The following SNX2 variants were observed in gnomAD, a reference collection of about 807,000 sequenced individuals.
SNX2 encodes the protein sorting nexin-2.
Under a neutral mutation model 69.9 loss-of-function variants are expected in SNX2, and 25 were observed. The observed-to-expected ratio is 0.36, with a 90% CI of 0.26 to 0.50. The LOEUF is 0.50. SNX2 is among the 20% of genes least tolerant of loss of function. The probability of loss-of-function intolerance (pLI) is 0.97; values close to 1 mark genes in which losing one functional copy is unlikely to be tolerated. For missense variants in SNX2, 551 were observed against 613.3 expected, an observed-to-expected ratio of 0.90 and a Z score of 1.07; for synonymous variants, 229 against 200.4, an observed-to-expected ratio of 1.14 and a Z score of -1.20.
At chr5:122,775,399 G>GGA in intron 1 of SNX2, 188 bp downstream of exon 1, 1 of 1,287,106 alleles carries the variant, frequency 7.8e-7, no homozygotes. Context: ...GGCCTCCTCA[G>GGA]GAGAGCAGCC....
At position 122,829,681 on chromosome 5, in the gene SNX2, ATGT is replaced by A; in HGVS notation, c.*38_*40del. The A allele has an allele frequency of 6.3e-7, 1 of 1,584,998 alleles. No individual in the cohort carries two copies. The highest frequency in any genetic ancestry group is 8.7e-7 in the Non-Finnish European group (1 of 1,153,766). ...ATTGTTGCCGTTAAGAAGACCTTGG[ATGT>A]TGTTCCAGTTATGCTGGATTCCACA... On this transcript the variant is annotated 3_prime_UTR_variant, in exon 15 of 15. Coordinates refer to ENST00000379516, the MANE Select transcript of SNX2 (RefSeq NM_003100.4).
chr5:122,831,408 G>A lies in SNX2; in HGVS notation c.*1760G>A, dbSNP rs370903858. Among the ~76,000 whole-genome samples, 19 of 152,082 alleles carry A rather than the reference G, an allele frequency of 1.2e-4. No homozygotes were observed. Among genetic ancestry groups the A allele is most frequent in the Admixed American group, 7.9e-4 (12 of 15,262 alleles). ...GGATCTCTTGAGCCCAGGAGTTTGA[G>A]GCTATAGTACACTATGATCGTGCCT... On this transcript the variant is annotated 3_prime_UTR_variant, in exon 15 of 15. Coordinates refer to ENST00000379516, the MANE Select transcript of SNX2 (RefSeq NM_003100.4).
intron 11 of SNX2, among the ~76,000 whole-genome samples, chr5:122,822,553 T>C (rs1754047827): frequency 6.6e-6 from 1 of 152,218 alleles, no homozygotes; most frequent in Non-Finnish European, 1.5e-5. Flanking sequence ...GGGATTAATA[T>C]AGAGCCATTG....
intron 11 of SNX2, among the ~76,000 whole-genome samples, chr5:122,824,970 T>C (rs1754121285): frequency 6.6e-6 from 1 of 152,164 alleles, no homozygotes; most frequent in African/African-American, 2.4e-5. Flanking sequence ...CATTACAGCT[T>C]GGAGAAGTTC....
At chr5:122,812,958 GTAAA>G (rs1753813975) in intron 7 of SNX2, among the ~76,000 whole-genome samples, 4 of 152,288 alleles carry the variant, frequency 2.6e-5, no homozygotes, top group South Asian at 4.1e-4. Flanking sequence ...TTTCTGGTAA[GTAAA>G]TAAGAATTTG....
Position 122,833,171 on chromosome 5 carries a change from C to A in SNX2, c.*3523C>A, listed in dbSNP as rs1007222458. 6.6e-6 allele frequency: 1 copy of A among 152,112 alleles called. No individual in the cohort carries two copies. Among genetic ancestry groups the A allele is most frequent in the Non-Finnish European group, 1.5e-5 (1 of 68,018 alleles). 9.4% of individuals were successfully genotyped at this position (152,112 alleles called of 1,614,324 possible). A position where few individuals can be genotyped will look rare whatever the true frequency, so the allele number is the denominator to read the frequency against. ...GAATCAAATAATTATCATTCCTAAC[C>A]CTCACAGTGAAGGATTTGGTTTCAT... On this transcript the variant is annotated 3_prime_UTR_variant, in exon 15 of 15. Coordinates refer to ENST00000379516, the MANE Select transcript of SNX2 (RefSeq NM_003100.4).
chr5:122,825,604 ATATCT>A (rs1381377237), intron 11 of SNX2, among the ~76,000 whole-genome samples: 3 of 151,922 alleles, frequency 2.0e-5, no homozygotes, highest in Non-Finnish European at 4.4e-5. Flanking sequence ...CTTCTACCAC[ATATCT>A]TATGAGTTTT....
Position 122,799,776 on chromosome 5 carries a change from C to A in SNX2, c.311C>A (p.Thr104Asn), listed in dbSNP as rs569232661. 6.2e-7 allele frequency: 1 copy of A among 1,613,684 alleles called. No homozygotes were observed. The highest frequency in any genetic ancestry group is 2.2e-5 in the East Asian group (1 of 44,866). The change falls in exon 3 of 15, where the codon ACT becomes AAT. Residue 104 changes from threonine (T) to asparagine (N), a missense_variant. By Grantham distance (65) the Thr-to-Asn change is moderately conservative. This residue lies in a region of SNX2 where 191 missense variants were observed against 162.9 expected (regional missense o/e 1.17). Coordinates refer to ENST00000379516, the MANE Select transcript of SNX2 (RefSeq NM_003100.4). ...CCTTCTCCTGCAGTCACACCTGTCA[C>A]TCCTACTACACTCATTGCTCCTAGA... ...SEPSPAVTPVTPTTLIAPRIE... is the reference protein window; with the variant it reads ...SEPSPAVTPVNPTTLIAPRIE...
At position 122,802,108 on chromosome 5, in the gene SNX2, A is replaced by C. The variant is rs1266050566; in HGVS notation, c.485A>C (p.Tyr162Ser). ...VGDGMNAYMAYRVTTKTSLSM... is the reference protein window; with the variant it reads ...VGDGMNAYMASRVTTKTSLSM... ...GATGGCATGAATGCCTATATGGCAT[A>C]TAGAGTAACAACAAAGGTGAGCTTT... The change falls in exon 5 of 15, where the codon TAT (tyrosine) becomes TCT (serine). Residue 162 changes from tyrosine to serine, a missense_variant. This residue lies in a region of SNX2 where 360 missense variants were observed against 450.4 expected (regional missense o/e 0.80). Coordinates refer to ENST00000379516, the MANE Select transcript of SNX2 (RefSeq NM_003100.4). The C allele has an allele frequency of 6.2e-7, 1 of 1,613,840 alleles. No individual in the cohort carries two copies. The highest frequency in any genetic ancestry group is 8.5e-7 in the Non-Finnish European group (1 of 1,179,812).
rs1440814733 is a variant in SNX2, at chr5:122,827,381, G to A, written c.1359G>A (p.Trp453Ter). 6.2e-7 allele frequency: 1 copy of A among 1,612,208 alleles called. No homozygotes were observed. The highest frequency in any genetic ancestry group is 8.5e-7 in the Non-Finnish European group (1 of 1,178,678). ...IQQAKNEIRE[W>*]EAKVQQGERD... ...AAATATTTCTTTGTTTTTATTAGTGGGAGGCGAAAGTGCAACAAGGGGAAA... is the reference window on the plus strand; with the variant it reads ...AAATATTTCTTTGTTTTTATTAGTGAGAGGCGAAAGTGCAACAAGGGGAAA... The change falls in exon 13 of 15, where the codon TGG becomes TGA. Residue 453 changes from tryptophan (W) to a stop codon, truncating the protein, a stop_gained and splice_region_variant. Transcript: ENST00000379516. LOFTEE classifies it high-confidence loss of function.
intron 14 of SNX2, 168 bp downstream of exon 14, chr5:122,827,814 C>G: frequency 1.8e-6 from 1 of 552,002 alleles, no homozygotes; most frequent in South Asian, 2.5e-5. Context: ...CGGAAACTAT[C>G]TCACGTGTTT....
At chr5:122,809,827 T>G (rs1000928111) in intron 7 of SNX2, among the ~76,000 whole-genome samples, 1 of 152,208 alleles carries the variant, frequency 6.6e-6, no homozygotes, top group Non-Finnish European at 1.5e-5. Context: ...GAATATGTAG[T>G]TTAAAATCTT....
At chr5:122,816,411 T>A (rs1359004929) in intron 8 of SNX2, among the ~76,000 whole-genome samples, 2 of 152,204 alleles carry the variant, frequency 1.3e-5, no homozygotes, top group African/African-American at 2.4e-5. Flanking sequence ...TCTTTTTATT[T>A]GAAATGTTTG....
In SNX2 at chr5:122,826,120, G is replaced by A. The variant is rs370738644; in HGVS notation, c.1283G>A (p.Arg428His). The change falls in exon 12 of 15, where the codon CGT (arginine) becomes CAT (histidine). Residue 428 changes from arginine (R) to histidine (H), a missense_variant. Transcript: ENST00000379516. ...GCTCAAATTACTTTGCTCAAAAAAC[G>A]TGAAGCTGAAGCAAAAATGATGGTT... Reference protein sequence around the residue: ...EDAQITLLKKREAEAKMMVAN... With the variant: ...EDAQITLLKKHEAEAKMMVAN... The A allele has an allele frequency of 9.5e-5, 154 of 1,613,090 alleles. No individual in the cohort carries two copies. Among genetic ancestry groups the A allele is most frequent in the Non-Finnish European group, 1.2e-4 (141 of 1,179,418 alleles).
chr5:122,831,009 C>CAAAAAAAAA lies in SNX2; in HGVS notation c.*1377_*1385dup, dbSNP rs58159922. ...AGGCAACAAAAGCAAAACTCCATCT[C>CAAAAAAAAA]AAAAAAAAAAAAAAAAAAAAAAAAG... is the stretch of plus-strand genomic sequence containing the variant. On this transcript the variant is annotated 3_prime_UTR_variant, in exon 15 of 15. Transcript: ENST00000379516. Among the ~76,000 whole-genome samples the CAAAAAAAAA allele has an allele frequency of 1.1e-4, 7 of 63,006 alleles. No individual in the cohort carries two copies. The highest frequency in any genetic ancestry group is 1.5e-4 in the Non-Finnish European group (5 of 33,916). The allele number at this position is 63,006 out of a possible 152,430, so 41.3% of individuals were successfully genotyped here. A position where few individuals can be genotyped will look rare whatever the true frequency, so the allele number is the denominator to read the frequency against.
chr5:122,802,609 T>C (rs949735560), intron 5 of SNX2, among the ~76,000 whole-genome samples: 1 of 152,054 alleles, frequency 6.6e-6, no homozygotes, highest in Admixed American at 6.6e-5. Flanking sequence ...ACAAGTAGGT[T>C]TTTGTTTTAG....
At position 122,795,382 on chromosome 5, in the gene SNX2, A is replaced by G; in HGVS notation, c.225A>G (p.Ala75=). The G allele has an allele frequency of 2.5e-6, 4 of 1,588,666 alleles. No individual in the cohort carries two copies. The highest frequency in any genetic ancestry group is 3.5e-6 in the Non-Finnish European group (4 of 1,158,040). ...ATGATGACAGAGAAGATCTTTTTGC[A>G]GGTAATTGTCATGTATTTATTTTTT... The part of the protein sequence containing the change: ...VLDDDREDLF[A]EATEEVSLDS... The change falls in exon 2 of 15, where the codon GCA becomes GCG. Residue 75 remains alanine, a splice_region_variant and synonymous_variant. Transcript: ENST00000379516.
chr5:122,794,327 C>CA (rs34462649), intron 1 of SNX2, among the ~76,000 whole-genome samples: 30,869 of 151,394 alleles, frequency 0.2, 3,561 homozygotes, highest in East Asian at 0.46. Context: ...AACAAACAAA[C>CA]AAAAAAAACA....
intron 6 of SNX2, among the ~76,000 whole-genome samples, chr5:122,806,142 G>GCGCACGCGTGCGCACACACACACACA: frequency 2.3e-5 from 3 of 130,584 alleles, no homozygotes; most frequent in Non-Finnish European, 4.9e-5. Flanking sequence ...ACACGCGCGC[G>GCGCACGCGTGCGCACACACACACACA]CACACACACA....
Sources: allele counts gnomAD v4.1 joint callset (sites outside exome capture counted in the v4.1 genomes callset), GRCh38; gene constraint gnomAD v4.1.1; regional missense constraint gnomAD v4.1.1; transcripts MANE v1.5; gene names NCBI Gene and HGNC (gene_info 2026-07-23, HGNC 2026-07-21).